MARCHF1: variants seen among roughly 807,000 people sequenced by gnomAD.
MARCHF1 encodes the protein E3 ubiquitin-protein ligase MARCHF1.
MARCHF1 carries 40 observed loss-of-function variants against 54.2 expected under a neutral mutation model. The observed-to-expected ratio is 0.74, with a 90% CI of 0.57 to 0.96. MARCHF1 has a LOEUF of 0.96. Among genes scored for constraint, MARCHF1 ranks in the 40% least tolerant of loss-of-function variants. The pLI is 0.00. For missense variants in MARCHF1, 586 were observed against 656.5 expected (o/e 0.89, Z 1.17); for synonymous variants, 236 against 236.3 (o/e 1.00, Z 0.01).
chr4:163,756,121 G>T (rs1746658272), intron 4 of MARCHF1, among the ~76,000 whole-genome samples: 1 of 152,174 alleles, frequency 6.6e-6, no homozygotes, highest in Non-Finnish European at 1.5e-5. Context: ...AACAGACATA[G>T]TAACTTTGAT....
chr4:163,886,325 A>T (rs1245432800), intron 3 of MARCHF1, among the ~76,000 whole-genome samples: 1 of 147,004 alleles, frequency 6.8e-6, no homozygotes, highest in Non-Finnish European at 1.5e-5. Context: ...AGATAGATAG[A>T]TAGATAGATA....
chr4:163,617,782 G>C (rs181507416), intron 5 of MARCHF1, among the ~76,000 whole-genome samples: 1 of 152,144 alleles, frequency 6.6e-6, no homozygotes, highest in East Asian at 1.9e-4. Flanking sequence ...AATTAATGCA[G>C]CCCAAGTGTC....
At chr4:164,069,118 A>G (rs1011961032) in intron 2 of MARCHF1, among the ~76,000 whole-genome samples, 8 of 152,184 alleles carry the variant, frequency 5.3e-5, no homozygotes, top group Non-Finnish European at 1.2e-4. Context: ...TAAATACACC[A>G]ACTGACACTC....
chr4:164,361,532 T>G (rs1198291543), intron 1 of MARCHF1, among the ~76,000 whole-genome samples: 1 of 152,124 alleles, frequency 6.6e-6, no homozygotes, highest in African/African-American at 2.4e-5. Context: ...CCCCACCTTC[T>G]CATCTAGACT....
At chr4:163,620,941 A>G (rs957145381) in intron 5 of MARCHF1, among the ~76,000 whole-genome samples, 2 of 152,200 alleles carry the variant, frequency 1.3e-5, no homozygotes, top group African/African-American at 4.8e-5. Context: ...GTCATAAATG[A>G]CAACTACTAA....
At chr4:164,144,299 C>T (rs1729605031) in intron 1 of MARCHF1, among the ~76,000 whole-genome samples, 1 of 151,798 alleles carries the variant, frequency 6.6e-6, no homozygotes, top group Non-Finnish European at 1.5e-5. Flanking sequence ...AGGAATTGAA[C>T]TCAGCTCTGC....
intron 1 of MARCHF1, among the ~76,000 whole-genome samples, chr4:164,148,033 G>T (rs1027406187): frequency 6.6e-6 from 1 of 151,808 alleles, no homozygotes; most frequent in Non-Finnish European, 1.5e-5. Context: ...CCCAAATTTA[G>T]ATATTAGAAG....
intron 2 of MARCHF1, among the ~76,000 whole-genome samples, chr4:164,080,807 C>T (rs1043438429): frequency 3.9e-5 from 6 of 151,936 alleles, no homozygotes. Flanking sequence ...ATAAAATTCT[C>T]AAGTTACTTT....
chr4:164,164,911 G>C (rs548899482), intron 1 of MARCHF1, among the ~76,000 whole-genome samples: 2 of 151,896 alleles, frequency 1.3e-5, no homozygotes, highest in Non-Finnish European at 2.9e-5. Flanking sequence ...TTCTCTCCCT[G>C]ACCCATTCAA....
At chr4:163,677,486 T>C (rs1743957591) in intron 5 of MARCHF1, among the ~76,000 whole-genome samples, 1 of 152,184 alleles carries the variant, frequency 6.6e-6, no homozygotes. Flanking sequence ...CTACAACAGC[T>C]TTCTCCATGT....
At chr4:164,286,903 ACAGGCAAAGATTACATC>A (rs1319097754) in intron 1 of MARCHF1, among the ~76,000 whole-genome samples, 1 of 149,848 alleles carries the variant, frequency 6.7e-6, no homozygotes, top group East Asian at 1.9e-4. Context: ...CAGAAATGTT[ACAGGCAAAGATTACATC>A]CATGCTGCAT....
intron 3 of MARCHF1, among the ~76,000 whole-genome samples, chr4:163,876,369 T>C (rs1260851242): frequency 6.6e-6 from 1 of 152,180 alleles, no homozygotes; most frequent in Admixed American, 6.5e-5. Context: ...AGTTGATGTC[T>C]TCCTAATATT....
At chr4:164,140,296 A>G (rs923125773) in intron 1 of MARCHF1, among the ~76,000 whole-genome samples, 11 of 151,810 alleles carry the variant, frequency 7.2e-5, no homozygotes, top group African/African-American at 2.7e-4. Context: ...ATTGATGTTT[A>G]TCATTTCTTT....
At chr4:163,670,171 T>C (rs1436053786) in intron 5 of MARCHF1, among the ~76,000 whole-genome samples, 4 of 152,026 alleles carry the variant, frequency 2.6e-5, no homozygotes, top group Non-Finnish European at 5.9e-5. Flanking sequence ...ATTAAAAATA[T>C]GATATAAAAT....
At chr4:164,182,218 A>G (rs1364461634) in intron 1 of MARCHF1, among the ~76,000 whole-genome samples, 1 of 152,156 alleles carries the variant, frequency 6.6e-6, no homozygotes, top group Non-Finnish European at 1.5e-5. Flanking sequence ...CACATAGTGT[A>G]ATCGGAGCCT....
chr4:164,194,156 C>A (rs1462913701), intron 1 of MARCHF1, among the ~76,000 whole-genome samples: 1 of 152,152 alleles, frequency 6.6e-6, no homozygotes, highest in African/African-American at 2.4e-5. Context: ...AATGTTTGTT[C>A]TCATGACTAC....
intron 1 of MARCHF1, among the ~76,000 whole-genome samples, chr4:164,372,461 G>A (rs1731063056): frequency 6.6e-6 from 1 of 152,104 alleles, no homozygotes; most frequent in Non-Finnish European, 1.5e-5. Context: ...TTTCTGGAAA[G>A]AAGTCAATAT....
At chr4:163,747,052 T>C (rs1746383697) in intron 4 of MARCHF1, among the ~76,000 whole-genome samples, 1 of 152,226 alleles carries the variant, frequency 6.6e-6, no homozygotes, top group Non-Finnish European at 1.5e-5. Context: ...GTTCAGGGTC[T>C]GCCAATGGTA....
intron 1 of MARCHF1, chr4:164,189,592 GGT>G: frequency 1.1e-6 from 1 of 948,694 alleles, no homozygotes; most frequent in Admixed American, 1.7e-5. Flanking sequence ...AGTGCTCTCT[GGT>G]GATCAAGATA....
Sources: allele counts gnomAD v4.1 joint callset (sites outside exome capture counted in the v4.1 genomes callset), GRCh38; gene constraint gnomAD v4.1.1; transcripts MANE v1.5; gene names NCBI Gene and HGNC (gene_info 2026-07-23, HGNC 2026-07-21).